Variants in SDCCAG8 observed in about 807,000 individuals in gnomAD.
SDCCAG8 encodes serologically defined colon cancer antigen 8.
In SDCCAG8, 74 loss-of-function variants were observed where a neutral mutation model predicts 101.8. The ratio of observed to expected loss-of-function variants is 0.73; its 90% CI spans 0.60 to 0.88. The LOEUF (loss-of-function observed/expected upper bound fraction) is 0.88, where lower values mean the gene tolerates loss of function less well. Among genes scored for constraint, SDCCAG8 ranks in the 40% least tolerant of loss-of-function variants. The probability of loss-of-function intolerance (pLI) is 0.00; values close to 1 mark genes in which losing one functional copy is unlikely to be tolerated. For missense variants in SDCCAG8, 787 were observed against 822.6 expected (o/e 0.96, Z 0.53); for synonymous variants, 281 against 292.9 (o/e 0.96, Z 0.41).
rs1275793561 is a variant in SDCCAG8, at chr1:243,499,755, G to C, written c.2113-1G>C. 3.1e-6 allele frequency: 5 copies of C among 1,611,032 alleles called. No individual in the cohort carries two copies. Among genetic ancestry groups the C allele is most frequent in the Non-Finnish European group, 4.2e-6 (5 of 1,177,550 alleles). Reference sequence around the variant, plus strand: ...AACTTACTTTTTATTATTTTTTCCAGTTACCCAGCATGCCACAATCTGATT... The same window carrying C: ...AACTTACTTTTTATTATTTTTTCCACTTACCCAGCATGCCACAATCTGATT... On this transcript the variant is annotated splice_acceptor_variant, in intron 17 of 17. Transcript: ENST00000366541. LOFTEE classifies it high-confidence loss of function.
At chr1:243,422,589 G>A (rs2081082431) in intron 15 of SDCCAG8, among the ~76,000 whole-genome samples, 5 of 152,072 alleles carry the variant, frequency 3.3e-5, no homozygotes, top group Admixed American at 2.0e-4. Flanking sequence ...GTTTAATTGA[G>A]GTGAAGAACA....
intron 12 of SDCCAG8, among the ~76,000 whole-genome samples, chr1:243,359,445 G>C (rs888079452): frequency 6.6e-6 from 1 of 152,032 alleles, no homozygotes; most frequent in Non-Finnish European, 1.5e-5. Context: ...TAATAAAGTT[G>C]TTATTTTAGA....
At chr1:243,478,819 G>A (rs56020665) in intron 16 of SDCCAG8, among the ~76,000 whole-genome samples, 24,081 of 151,824 alleles carry the variant, frequency 0.16, 2,082 homozygotes, top group Non-Finnish European at 0.19. Context: ...TTAGCTGAGC[G>A]TGGTGGTGTG....
At chr1:243,381,717 A>G (rs969643375) in intron 13 of SDCCAG8, among the ~76,000 whole-genome samples, 3 of 152,234 alleles carry the variant, frequency 2.0e-5, no homozygotes, top group Non-Finnish European at 2.9e-5. Flanking sequence ...GCTTGGTCCT[A>G]GGCATAGAGA....
At chr1:243,334,362 G>A (rs1381555883) in intron 10 of SDCCAG8, among the ~76,000 whole-genome samples, 2 of 152,116 alleles carry the variant, frequency 1.3e-5, no homozygotes, top group Non-Finnish European at 2.9e-5. Flanking sequence ...CTTTATCATA[G>A]CATGAAGACT....
At chr1:243,404,850 CT>C in intron 13 of SDCCAG8, among the ~76,000 whole-genome samples, 1 of 151,104 alleles carries the variant, frequency 6.6e-6, no homozygotes, top group Admixed American at 6.6e-5. Flanking sequence ...CTTACTCAAA[CT>C]TAGACTTCTT....
In SDCCAG8 at chr1:243,443,589, C is replaced by T. The variant is rs535905552; in HGVS notation, c.1985+17031C>T. Among the ~76,000 whole-genome samples the T allele has an allele frequency of 7.5e-4, 114 of 152,306 alleles. 1 individual carries two copies. Among genetic ancestry groups the T allele is most frequent in the African/African-American group, 2.7e-3 (113 of 41,562 alleles). ...GTGTGCCTGAATCCTCCACAGTTCT[C>T]ATTTGTAAGCTCTTAATGAGACTGG... On this transcript the variant is annotated intron_variant, in intron 16 of 17. Coordinates refer to ENST00000366541, the MANE Select transcript of SDCCAG8 (RefSeq NM_006642.5).
chr1:243,462,634 C>G (rs755784607), intron 16 of SDCCAG8, among the ~76,000 whole-genome samples: 1 of 103,370 alleles, frequency 9.7e-6, no homozygotes, highest in Non-Finnish European at 2.0e-5. Context: ...AATAGTAGAA[C>G]AAATTTACAT....
chr1:243,383,367 C>T (rs2078076542), intron 13 of SDCCAG8, among the ~76,000 whole-genome samples: 1 of 152,138 alleles, frequency 6.6e-6, no homozygotes. Flanking sequence ...TTTGGGCCTG[C>T]TTATGTACCT....
chr1:243,356,776 G>C (rs1280186680), intron 12 of SDCCAG8, among the ~76,000 whole-genome samples: 6 of 151,950 alleles, frequency 3.9e-5, no homozygotes, highest in African/African-American at 1.5e-4. Context: ...GTTGAGCCCA[G>C]GAGTTTGAGA....
intron 11 of SDCCAG8, among the ~76,000 whole-genome samples, chr1:243,342,429 G>A (rs2075433414): frequency 6.6e-6 from 1 of 152,160 alleles, no homozygotes; most frequent in Non-Finnish European, 1.5e-5. Context: ...TGAGTGCTGT[G>A]GATAAACATA....
intron 13 of SDCCAG8, among the ~76,000 whole-genome samples, chr1:243,408,564 A>G (rs1166818991): frequency 6.6e-6 from 1 of 152,182 alleles, no homozygotes; most frequent in Non-Finnish European, 1.5e-5. Context: ...GCACACTCCC[A>G]TATAGATAAT....
At chr1:243,401,000 C>T (rs1263000274) in intron 13 of SDCCAG8, among the ~76,000 whole-genome samples, 2 of 152,088 alleles carry the variant, frequency 1.3e-5, no homozygotes, top group African/African-American at 2.4e-5. Context: ...CTCTGGAAGT[C>T]GGGAAGTTTA....
intron 6 of SDCCAG8, among the ~76,000 whole-genome samples, 191 bp from the exon 7 acceptor site, chr1:243,304,522 C>T (rs1477306157): frequency 2.0e-5 from 3 of 152,062 alleles, no homozygotes; most frequent in Admixed American, 6.6e-5. Flanking sequence ...TATGACTCAG[C>T]GGTTCTTTGC....
intron 3 of SDCCAG8, among the ~76,000 whole-genome samples, chr1:243,271,437 A>G (rs2149264645): frequency 6.6e-6 from 1 of 151,144 alleles, no homozygotes; most frequent in African/African-American, 2.4e-5. Context: ...TTAGAGGGTC[A>G]TATCTATTAT....
At chr1:243,261,771 A>T (rs2067206876) in intron 1 of SDCCAG8, among the ~76,000 whole-genome samples, 1 of 152,190 alleles carries the variant, frequency 6.6e-6, no homozygotes, top group African/African-American at 2.4e-5. Context: ...GAATATACAC[A>T]CATAAACATG....
At chr1:243,337,500 A>G (rs561871135) in intron 10 of SDCCAG8, among the ~76,000 whole-genome samples, 1 of 152,342 alleles carries the variant, frequency 6.6e-6, no homozygotes, top group South Asian at 2.1e-4. Flanking sequence ...AGCTCTCACC[A>G]GGAAATGGCA....
chr1:243,274,486 A>C (rs1314454067), intron 3 of SDCCAG8, 57 bp from the exon 4 acceptor site: 2 of 1,013,012 alleles, frequency 2.0e-6, no homozygotes, highest in Non-Finnish European at 3.1e-6. Context: ...AACATGCTTA[A>C]TTTGGCTTTT....
At chr1:243,428,298 C>T (rs557267428) in intron 16 of SDCCAG8, among the ~76,000 whole-genome samples, 12 of 152,304 alleles carry the variant, frequency 7.9e-5, no homozygotes, top group Admixed American at 2.0e-4. Flanking sequence ...TGATTGATTG[C>T]TGCTGTGTGT....
Sources: gnomAD v4.1 joint callset for allele counts (sites outside exome capture counted in the v4.1 genomes callset) on GRCh38, gnomAD v4.1.1 for gene constraint, MANE v1.5 for transcripts, NCBI Gene and HGNC (gene_info 2026-07-23, HGNC 2026-07-21) for gene names.